CBFA2T3: variants seen among roughly 807,000 people sequenced by gnomAD.
CBFA2T3 encodes the protein CBFA2/RUNX1 partner transcriptional co-repressor 3.
In CBFA2T3, 31 loss-of-function variants were observed where a neutral mutation model predicts 58.6. The observed-to-expected ratio is 0.53, with a 90% CI of 0.40 to 0.71. The LOEUF (loss-of-function observed/expected upper bound fraction) is 0.71. Among genes scored for constraint, CBFA2T3 ranks in the 30% least tolerant of loss-of-function variants. The pLI is 0.00. For missense variants in CBFA2T3, 1,076 were observed against 963.1 expected (o/e 1.12, Z -1.55); for synonymous variants, 531 against 421.9 (o/e 1.26, Z -3.17).
chr16:88,925,291 G>A (rs917575605), intron 1 of CBFA2T3, among the ~76,000 whole-genome samples: 1 of 152,282 alleles, frequency 6.6e-6, no homozygotes, highest in Non-Finnish European at 1.5e-5. Flanking sequence ...GCAGCTGCTC[G>A]GGGGAGACCC....
rs61757659 is a variant in CBFA2T3 at position 88,885,186 on chromosome 16, C to G, written c.977G>C (p.Arg326Pro). 1.3e-4 allele frequency: 206 copies of G among 1,603,574 alleles called. No homozygotes were observed. In the African/African-American group the frequency reaches 2.4e-3, roughly 18 times the overall value. The change falls in exon 7 of 12, where the codon CGC becomes CCC. Residue 326 changes from arginine to proline, a missense_variant. Arg to Pro is a moderately radical substitution (Grantham distance 103). Coordinates refer to ENST00000268679, the MANE Select transcript of CBFA2T3 (RefSeq NM_005187.6). This position sits in a 1 kb window ranked among gnomAD's most constrained non-coding sequence, Gnocchi z 5.3. ...KRPCTLNPAQ[R>P]YSPSNGPPQP... ...CGGTGGCCCGTTGCTGGGGCTGTAG[C>G]GCTGGGCAGGGTTCAGGGTGCATGG...
At chr16:88,882,893 G>A (rs1379196836) in intron 7 of CBFA2T3, 132 bp from the exon 8 acceptor site, 4 of 683,114 alleles carry the variant, frequency 5.9e-6, no homozygotes, top group East Asian at 2.7e-5. Flanking sequence ...CAGGGTAACC[G>A]AAGGGCTGGT....
At chr16:88,920,983 G>A (rs73254275) in intron 1 of CBFA2T3, among the ~76,000 whole-genome samples, 7,477 of 152,332 alleles carry the variant, frequency 0.049, 438 homozygotes, top group African/African-American at 0.14. Context: ...CTTTCTCTGA[G>A]TTTAAAGAAA....
At chr16:88,941,085 C>T in intron 1 of CBFA2T3, 1 of 984,818 alleles carries the variant, frequency 1.0e-6, no homozygotes, top group Non-Finnish European at 1.2e-6. Flanking sequence ...GTCCGGGAGT[C>T]GCTGCTCCTT....
chr16:88,957,969 G>T (rs56013853), intron 1 of CBFA2T3, among the ~76,000 whole-genome samples: 1 of 152,236 alleles, frequency 6.6e-6, no homozygotes, highest in Admixed American at 6.5e-5. Context: ...TTGTGTACTT[G>T]AGATGGGTGA....
intron 1 of CBFA2T3, among the ~76,000 whole-genome samples, chr16:88,936,417 C>T (rs983633549): frequency 2.0e-5 from 3 of 152,092 alleles, no homozygotes; most frequent in South Asian, 2.1e-4. Flanking sequence ...GCATCCACCA[C>T]GACCCCAGCC....
chr16:88,915,358 G>A (rs951920298), intron 1 of CBFA2T3, among the ~76,000 whole-genome samples: 9 of 110,332 alleles, frequency 8.2e-5, no homozygotes, highest in Admixed American at 7.3e-4. Context: ...ACTCAGAGGA[G>A]GGACAGCTCC....
chr16:88,888,152 G>A (rs1348675869), intron 5 of CBFA2T3, among the ~76,000 whole-genome samples: 1 of 151,948 alleles, frequency 6.6e-6, no homozygotes, highest in Non-Finnish European at 1.5e-5. Context: ...CCAACTACGA[G>A]AGAGAGGGCC....
At chr16:88,961,390 C>A (rs540154263) in intron 1 of CBFA2T3, among the ~76,000 whole-genome samples, 17 of 141,152 alleles carry the variant, frequency 1.2e-4, no homozygotes, top group East Asian at 4.4e-4. Flanking sequence ...AGCAACTGAC[C>A]CTCAGCGCTG....
intron 1 of CBFA2T3, among the ~76,000 whole-genome samples, chr16:88,964,823 C>T (rs1392883266): frequency 6.6e-6 from 1 of 151,506 alleles, no homozygotes; most frequent in Non-Finnish European, 1.5e-5. Flanking sequence ...TCTATTCATC[C>T]ATCTATCTAT....
Position 88,901,523 on chromosome 16 carries a change from G to T in CBFA2T3, c.285C>A (p.Pro95=), listed in dbSNP as rs1455845968. Residue 95 remains proline, a synonymous_variant, in exon 2 of 12, where the codon CCC becomes CCA. Coordinates refer to ENST00000268679, the MANE Select transcript of CBFA2T3 (RefSeq NM_005187.6). ...ACTTACGTGTGTGTGGCGTGAAGGA[G>T]GGGGGGCGTGTGGCCCCCTGGGATG... ...PAASQGATRP[P]SFTPHTHRED... 7 of 1,463,410 alleles carry T rather than the reference G, an allele frequency of 4.8e-6. No individual in the cohort carries two copies. The highest frequency in any genetic ancestry group is 6.3e-6 in the Non-Finnish European group (7 of 1,105,876). 90.7% of individuals were successfully genotyped at this position (1,463,410 alleles called of 1,614,324 possible).
At position 88,959,445 on chromosome 16, in the gene CBFA2T3, C is replaced by G. The variant is rs35488069; in HGVS notation, c.151+17212G>C. Among the ~76,000 whole-genome samples the G allele has an allele frequency of 1.9e-3, 287 of 152,224 alleles. 1 individual carries two copies. Among genetic ancestry groups the G allele is most frequent in the Middle Eastern group, 0.017 (5 of 292 alleles). ...GGTGTTCAGGGCCTGTGAGGAGGCC[C>G]GGGCACCAAGGCAGCACCCAGCGCT... is the stretch of plus-strand genomic sequence containing the variant. On this transcript the variant is annotated intron_variant, in intron 1 of 11. Coordinates refer to ENST00000268679, the MANE Select transcript of CBFA2T3 (RefSeq NM_005187.6).
At chr16:88,974,134 C>A (rs1228203195) in intron 1 of CBFA2T3, among the ~76,000 whole-genome samples, 1 of 152,240 alleles carries the variant, frequency 6.6e-6, no homozygotes, top group African/African-American at 2.4e-5. Context: ...TGGCACCCTC[C>A]TCGGGTGACC....
intron 1 of CBFA2T3, among the ~76,000 whole-genome samples, chr16:88,974,673 G>C (rs971853087): frequency 6.6e-6 from 1 of 152,182 alleles, no homozygotes. Flanking sequence ...AGGCCTCAAA[G>C]GTTTTAGGAA....
At chr16:88,894,559 CACACACAT>C (rs1969804145) in intron 3 of CBFA2T3, among the ~76,000 whole-genome samples, 1 of 139,244 alleles carries the variant, frequency 7.2e-6, no homozygotes, top group Admixed American at 7.7e-5. Flanking sequence ...CACACATGCA[CACACACAT>C]GCACACACAC....
chr16:88,885,869 CCA>C lies in CBFA2T3; in HGVS notation c.893+90_893+91del. 2 of 1,185,474 alleles carry C rather than the reference CCA, an allele frequency of 1.7e-6. No individual in the cohort carries two copies. Among genetic ancestry groups the C allele is most frequent in the Non-Finnish European group, 2.4e-6 (2 of 842,328 alleles). 73.4% of individuals were successfully genotyped at this position (1,185,474 alleles called of 1,614,324 possible). A position where few individuals can be genotyped will look rare whatever the true frequency, so the allele number is the denominator to read the frequency against. On this transcript the variant is annotated intron_variant, in intron 6 of 11. Coordinates refer to ENST00000268679, the MANE Select transcript of CBFA2T3 (RefSeq NM_005187.6). This position sits in a 1 kb window ranked among gnomAD's most constrained non-coding sequence, Gnocchi z 5.3. ...AGAGCCGGCCGGGCTGGCTGCAGCC[CCA>C]GAGGAGGTTCCCTCTCTTACCCAGA...
At chr16:88,895,512 G>A (rs1031752045) in intron 3 of CBFA2T3, among the ~76,000 whole-genome samples, 1 of 152,210 alleles carries the variant, frequency 6.6e-6, no homozygotes, top group Admixed American at 6.5e-5. Flanking sequence ...GGCTCCCCCA[G>A]ATTGCCTCCC....
chr16:88,926,331 C>A (rs1273183322), intron 1 of CBFA2T3, among the ~76,000 whole-genome samples: 1 of 151,012 alleles, frequency 6.6e-6, no homozygotes, highest in Non-Finnish European at 1.5e-5. Flanking sequence ...GGACAAACCT[C>A]CTCAATCCAC....
rs61734177 is a variant in CBFA2T3, at chr16:88,898,149, C to T, written c.308G>A (p.Arg103Gln). ...RPPSFTPHTHREDGPATLPHG... is the reference protein window; with the variant it reads ...RPPSFTPHTHQEDGPATLPHG... ...GGGCAGCGTCGCAGGCCCGTCCTCT[C>T]GATCTGTAAGCAAAATAAGAAGAAC... The change falls in exon 3 of 12, where the codon CGA becomes CAA. Residue 103 changes from arginine to glutamine, a missense_variant. Physicochemically the swap from Arg to Gln is conservative, Grantham distance 43. Coordinates refer to ENST00000268679, the MANE Select transcript of CBFA2T3 (RefSeq NM_005187.6). The T allele has an allele frequency of 2.2e-5, 36 of 1,611,510 alleles. No homozygotes were observed. The highest frequency in any genetic ancestry group is 1.7e-4 in the Middle Eastern group (1 of 6,030).
Sources: allele counts gnomAD v4.1 joint callset (sites outside exome capture counted in the v4.1 genomes callset), GRCh38; gene constraint gnomAD v4.1.1; non-coding constraint Gnocchi (gnomAD v3.1); transcripts MANE v1.5; gene names NCBI Gene and HGNC (gene_info 2026-07-23, HGNC 2026-07-21).